The following PTPRR variants were observed in gnomAD, a reference collection of about 807,000 sequenced individuals.
PTPRR encodes the protein receptor-type tyrosine-protein phosphatase R.
A neutral mutation model predicts 77.2 loss-of-function variants in PTPRR; 38 were observed. The observed-to-expected ratio is 0.49, with a 90% confidence interval of 0.38 to 0.65. PTPRR has a LOEUF of 0.65. Among genes scored for constraint, PTPRR ranks in the 30% least tolerant of loss-of-function variants. PTPRR has a pLI of 0.00. For synonymous variants in PTPRR, 299 were observed against 283.1 expected (o/e 1.06, Z -0.57); for missense variants, 744 against 799.2 (o/e 0.93, Z 0.83).
chr12:70,832,650 A>G, intron 2 of PTPRR, among the ~76,000 whole-genome samples: 1 of 152,314 alleles, frequency 6.6e-6, no homozygotes, highest in East Asian at 1.9e-4. Context: ...ATAGGAACCA[A>G]GAGGATATCA....
At chr12:70,764,637 T>C (rs936742506) in intron 3 of PTPRR, 28 bp downstream of exon 3, 4 of 1,566,656 alleles carry the variant, frequency 2.6e-6, no homozygotes, top group African/African-American at 2.7e-5. Flanking sequence ...GGCTTGAATT[T>C]TGGAAATGCG....
intron 2 of PTPRR, among the ~76,000 whole-genome samples, chr12:70,834,411 C>T (rs1192217800): frequency 6.6e-6 from 1 of 152,030 alleles, no homozygotes; most frequent in African/African-American, 2.4e-5. Context: ...TTGAGATCTC[C>T]CTTGTTCAAT....
At chr12:70,825,001 T>G (rs1376639682) in intron 2 of PTPRR, among the ~76,000 whole-genome samples, 3 of 152,182 alleles carry the variant, frequency 2.0e-5, no homozygotes, top group African/African-American at 7.2e-5. Context: ...AATCTTAAGT[T>G]AGGCTGGGCG....
chr12:70,649,193 G>T (rs946842229), intron 13 of PTPRR, among the ~76,000 whole-genome samples: 2 of 152,156 alleles, frequency 1.3e-5, no homozygotes, highest in African/African-American at 4.8e-5. Flanking sequence ...ACCAGGCATT[G>T]TAATTTTTGG....
At chr12:70,653,899 C>T (rs1429921001) in intron 13 of PTPRR, among the ~76,000 whole-genome samples, 1 of 151,976 alleles carries the variant, frequency 6.6e-6, no homozygotes, top group Admixed American at 6.6e-5. Flanking sequence ...CTAGAGTTTA[C>T]ATGCTAACAG....
At chr12:70,759,585 G>A (rs1890640261) in intron 4 of PTPRR, among the ~76,000 whole-genome samples, 1 of 149,424 alleles carries the variant, frequency 6.7e-6, no homozygotes, top group South Asian at 2.1e-4. Flanking sequence ...GAAGGTTGAG[G>A]CAGGAGAATG....
chr12:70,850,762 GC>G (rs1242820070), intron 2 of PTPRR, among the ~76,000 whole-genome samples: 5 of 152,154 alleles, frequency 3.3e-5, no homozygotes, highest in Non-Finnish European at 5.9e-5. Context: ...TTTACTCAGT[GC>G]CAGGCCCAAT....
intron 6 of PTPRR, among the ~76,000 whole-genome samples, chr12:70,710,387 T>A (rs1315257176): frequency 6.6e-6 from 1 of 152,116 alleles, no homozygotes; most frequent in African/African-American, 2.4e-5. Context: ...TTATATCATA[T>A]ACAAAAATTA....
At chr12:70,677,649 G>T (rs868835455) in intron 10 of PTPRR, among the ~76,000 whole-genome samples, 1 of 151,950 alleles carries the variant, frequency 6.6e-6, no homozygotes, top group Non-Finnish European at 1.5e-5. Flanking sequence ...ATTTTTCTTC[G>T]TCTATTGAAA....
chr12:70,844,591 G>A (rs528161106), intron 2 of PTPRR, among the ~76,000 whole-genome samples: 1 of 152,198 alleles, frequency 6.6e-6, no homozygotes, highest in South Asian at 2.1e-4. Context: ...TGTTGGTCAA[G>A]GGCACAATCT....
intron 2 of PTPRR, among the ~76,000 whole-genome samples, chr12:70,766,602 C>T (rs1400661883): frequency 6.6e-6 from 1 of 151,650 alleles, no homozygotes; most frequent in Non-Finnish European, 1.5e-5. Flanking sequence ...AGGATATTAT[C>T]CAGGAGAACT....
chr12:70,714,172 C>T (rs745628041), intron 6 of PTPRR, among the ~76,000 whole-genome samples: 41 of 152,022 alleles, frequency 2.7e-4, no homozygotes, highest in Non-Finnish European at 4.9e-4. Context: ...AGTCTCACTT[C>T]ATTTTATATT....
At chr12:70,649,852 G>T (rs1284852324) in intron 13 of PTPRR, among the ~76,000 whole-genome samples, 2 of 152,156 alleles carry the variant, frequency 1.3e-5, no homozygotes, top group Non-Finnish European at 2.9e-5. Flanking sequence ...GGGACTACAG[G>T]CCTGAGACAC....
intron 2 of PTPRR, among the ~76,000 whole-genome samples, chr12:70,810,431 T>C (rs1487952954): frequency 6.6e-6 from 1 of 152,186 alleles, no homozygotes; most frequent in East Asian, 1.9e-4. Flanking sequence ...AGAGGTCTTT[T>C]CCCTCATTTT....
chr12:70,805,450 C>T (rs1244605478), intron 2 of PTPRR, among the ~76,000 whole-genome samples: 1 of 152,098 alleles, frequency 6.6e-6, no homozygotes, highest in Non-Finnish European at 1.5e-5. Flanking sequence ...GGCTCCTGGG[C>T]TTAAGCGATC....
At chr12:70,758,133 C>T (rs1444979319) in intron 4 of PTPRR, among the ~76,000 whole-genome samples, 5 of 152,206 alleles carry the variant, frequency 3.3e-5, no homozygotes, top group Admixed American at 3.3e-4. Flanking sequence ...TCATGATATG[C>T]TCCTTATATC....
At chr12:70,731,891 T>C (rs1889675437) in intron 6 of PTPRR, among the ~76,000 whole-genome samples, 2 of 152,246 alleles carry the variant, frequency 1.3e-5, no homozygotes, top group Non-Finnish European at 2.9e-5. Context: ...GTGTGAGTTC[T>C]TGATGGGGTC....
At chr12:70,766,537 A>G (rs952061618) in intron 2 of PTPRR, among the ~76,000 whole-genome samples, 1 of 152,102 alleles carries the variant, frequency 6.6e-6, no homozygotes, top group Non-Finnish European at 1.5e-5. Flanking sequence ...TCTACGTCTG[A>G]TTGGTGTACT....
intron 10 of PTPRR, chr12:70,672,638 G>A: frequency 6.6e-7 from 1 of 1,526,380 alleles, no homozygotes; most frequent in African/African-American, 1.4e-5. Context: ...CAAGTGAATG[G>A]GGAAGTGGTC....
Sources: gnomAD v4.1 joint callset for allele counts (sites outside exome capture counted in the v4.1 genomes callset) on GRCh38, gnomAD v4.1.1 for gene constraint, MANE v1.5 for transcripts, NCBI Gene and HGNC (gene_info 2026-07-23, HGNC 2026-07-21) for gene names.